CNTLN: variants seen among roughly 807,000 people sequenced by gnomAD.
CNTLN encodes centlein, centrosomal protein.
In CNTLN, 212 loss-of-function variants were observed where a neutral mutation model predicts 180.0. The ratio of observed to expected loss-of-function variants is 1.18; its 90% CI spans 1.05 to 1.32. The LOEUF (loss-of-function observed/expected upper bound fraction) is 1.32, where lower values mean the gene tolerates loss of function less well. Ranked by LOEUF, CNTLN falls within the 40% of genes most tolerant of loss-of-function variation. CNTLN has a pLI of 0.00. For missense variants in CNTLN, 2,095 were observed against 1,610.9 expected (o/e 1.30, Z -5.14); for synonymous variants, 722 against 563.1 (o/e 1.28, Z -3.99).
chr9:17,437,338 T>G (rs1274264531), intron 18 of CNTLN, among the ~76,000 whole-genome samples: 2 of 152,220 alleles, frequency 1.3e-5, no homozygotes, highest in African/African-American at 4.8e-5. Flanking sequence ...TGTTTTCAGA[T>G]TCATTTCTTA....
chr9:17,393,970 C>T (rs1826301112), intron 14 of CNTLN, among the ~76,000 whole-genome samples: 1 of 151,678 alleles, frequency 6.6e-6, no homozygotes, highest in Non-Finnish European at 1.5e-5. Flanking sequence ...TATGTGCAAC[C>T]TTGAAATCAT....
intron 12 of CNTLN, among the ~76,000 whole-genome samples, chr9:17,345,057 G>A (rs190384152): frequency 7.2e-5 from 11 of 152,224 alleles, no homozygotes; most frequent in Admixed American, 1.3e-4. Context: ...AATCTAATAT[G>A]TTCCTTTTTA....
chr9:17,274,496 T>G (rs1354360276), intron 6 of CNTLN, among the ~76,000 whole-genome samples: 4 of 143,808 alleles, frequency 2.8e-5, no homozygotes, highest in African/African-American at 5.4e-5. Flanking sequence ...TATCTATCTA[T>G]CTATCTATGT....
chr9:17,401,422 G>C (rs1202218332), intron 15 of CNTLN, among the ~76,000 whole-genome samples: 2 of 151,854 alleles, frequency 1.3e-5, no homozygotes, highest in Non-Finnish European at 2.9e-5. Context: ...TTCCCAGGCT[G>C]GAGTGCTGTG....
the CNTLN span, among the ~76,000 whole-genome samples, chr9:17,518,462 A>G: frequency 1.3e-5 from 2 of 152,164 alleles, no homozygotes; most frequent in Non-Finnish European, 1.5e-5. Context: ...TCCTTCCAAG[A>G]ATTCCAAATT....
chr9:17,282,417 C>T (rs560864023), intron 6 of CNTLN, among the ~76,000 whole-genome samples: 1 of 152,156 alleles, frequency 6.6e-6, no homozygotes, highest in Middle Eastern at 3.4e-3. Flanking sequence ...GTGTCCTTTG[C>T]CCACTTTTTA....
chr9:17,380,927 C>A (rs1236072592), intron 13 of CNTLN, among the ~76,000 whole-genome samples: 2 of 152,202 alleles, frequency 1.3e-5, no homozygotes, highest in African/African-American at 4.8e-5. Flanking sequence ...TTCTTGAACA[C>A]AATGCAACAA....
intron 2 of CNTLN, among the ~76,000 whole-genome samples, chr9:17,195,742 A>G (rs1259091668): frequency 2.0e-5 from 3 of 152,140 alleles, no homozygotes; most frequent in African/African-American, 7.2e-5. Context: ...TTAACTTAAG[A>G]GTGGTCTTCC....
At chr9:17,478,711 G>T (rs573640098) in intron 23 of CNTLN, among the ~76,000 whole-genome samples, 1 of 151,870 alleles carries the variant, frequency 6.6e-6, no homozygotes, top group Non-Finnish European at 1.5e-5. Flanking sequence ...TTTGCCTTTG[G>T]ATATCCAGTT....
intron 23 of CNTLN, among the ~76,000 whole-genome samples, chr9:17,478,580 C>T (rs1470992780): frequency 2.6e-5 from 4 of 151,648 alleles, no homozygotes; most frequent in Admixed American, 1.3e-4. Context: ...GCTGGACTCC[C>T]GACTCCTGGA....
intron 2 of CNTLN, 54 bp downstream of exon 2, chr9:17,143,430 C>T (rs1358416506): frequency 3.1e-6 from 4 of 1,287,120 alleles, no homozygotes; most frequent in Non-Finnish European, 4.5e-6. Flanking sequence ...GTTTGTTTCT[C>T]TTCATTATTA....
At chr9:17,477,971 T>C (rs1270647484) in intron 23 of CNTLN, among the ~76,000 whole-genome samples, 3 of 152,190 alleles carry the variant, frequency 2.0e-5, no homozygotes. Context: ...CAAGTTTCAC[T>C]GTTGTCTTAA....
chr9:17,458,238 T>G (rs1369997605), intron 19 of CNTLN, among the ~76,000 whole-genome samples: 2 of 150,618 alleles, frequency 1.3e-5, no homozygotes, highest in South Asian at 4.2e-4. Flanking sequence ...AAAAAAAGAA[T>G]CTAAGACCAA....
chr9:17,279,555 T>C (rs1828530447), intron 6 of CNTLN, among the ~76,000 whole-genome samples: 3 of 152,172 alleles, frequency 2.0e-5, no homozygotes, highest in Non-Finnish European at 4.4e-5. Context: ...TGCTCCAGTT[T>C]GGTTCTTAGA....
At chr9:17,328,911 G>C (rs949600891) in intron 8 of CNTLN, among the ~76,000 whole-genome samples, 1 of 151,714 alleles carries the variant, frequency 6.6e-6, no homozygotes, top group Non-Finnish European at 1.5e-5. Context: ...AATATCAGTA[G>C]AAATATTAAA....
chr9:17,381,462 C>A (rs960671075), intron 13 of CNTLN, among the ~76,000 whole-genome samples: 3 of 152,174 alleles, frequency 2.0e-5, no homozygotes, highest in African/African-American at 7.2e-5. Context: ...ACATTTTTTG[C>A]CTTCCAGGTT....
chr9:17,280,710 T>C (rs1828608412), intron 6 of CNTLN, among the ~76,000 whole-genome samples: 1 of 152,208 alleles, frequency 6.6e-6, no homozygotes, highest in Admixed American at 6.5e-5. Flanking sequence ...GAGCAAGCCA[T>C]CAGATGGAAG....
intron 2 of CNTLN, chr9:17,167,055 A>G (rs1820120214): frequency 9.7e-6 from 2 of 206,478 alleles, no homozygotes; most frequent in South Asian, 7.8e-5. Flanking sequence ...TGTTTTTGAG[A>G]AAGATATTTC....
chr9:17,363,499 G>GT lies in CNTLN; in HGVS notation c.1887-3108dup, dbSNP rs113683719. On this transcript the variant is annotated intron_variant, in intron 12 of 25. Transcript: ENST00000380647. Reference sequence around the variant, plus strand: ...ACTTTCTTGCCTTTGATTTGATACAGTTTTTTTTTTCATTTCTCTTCTGAC... The same window carrying GT: ...ACTTTCTTGCCTTTGATTTGATACAGTTTTTTTTTTTCATTTCTCTTCTGAC... Among the ~76,000 whole-genome samples, 61 of 139,976 alleles carry GT rather than the reference G, an allele frequency of 4.4e-4. 1 individual carries two copies. Among genetic ancestry groups the GT allele is most frequent in the South Asian group, 9.3e-4 (4 of 4,282 alleles). The allele number at this position is 139,976 out of a possible 152,430, so 91.8% of individuals were successfully genotyped here.
Sources: gnomAD v4.1 joint callset for allele counts (sites outside exome capture counted in the v4.1 genomes callset) on GRCh38, gnomAD v4.1.1 for gene constraint, MANE v1.5 for transcripts, NCBI Gene and HGNC (gene_info 2026-07-23, HGNC 2026-07-21) for gene names.